RNLS: variants seen among roughly 807,000 people sequenced by gnomAD.
RNLS encodes the protein renalase, FAD dependent amine oxidase.
RNLS carries 39 observed loss-of-function variants against 39.8 expected under a neutral mutation model. The ratio of observed to expected loss-of-function variants is 0.98; its 90% CI spans 0.76 to 1.28. RNLS has a LOEUF of 1.28. Ranked by LOEUF, RNLS falls within the 50% of genes most tolerant of loss-of-function variation. The probability of loss-of-function intolerance (pLI) is 0.00; values close to 1 mark genes in which losing one functional copy is unlikely to be tolerated. For synonymous variants in RNLS, 147 were observed against 150.7 expected (o/e 0.98, Z 0.18); for missense variants, 410 against 413.3 (o/e 0.99, Z 0.07).
At chr10:88,394,799 G>A (rs1852447597) in intron 4 of RNLS, among the ~76,000 whole-genome samples, 2 of 152,246 alleles carry the variant, frequency 1.3e-5, no homozygotes, top group Admixed American at 6.5e-5. Context: ...CAACCTAAAT[G>A]TCCAACAATG....
At chr10:88,505,127 A>C (rs1040196308) in intron 4 of RNLS, among the ~76,000 whole-genome samples, 3 of 152,152 alleles carry the variant, frequency 2.0e-5, no homozygotes, top group Admixed American at 6.6e-5. Context: ...TATTAAAAGA[A>C]ACCAACCAAA....
intron 4 of RNLS, among the ~76,000 whole-genome samples, chr10:88,505,947 A>C (rs1845764399): frequency 6.6e-6 from 1 of 152,156 alleles, no homozygotes; most frequent in South Asian, 2.1e-4. Flanking sequence ...TTACAGACTT[A>C]CTTGTTAAAC....
At chr10:88,571,800 TCA>T (rs1849856608) in intron 4 of RNLS, among the ~76,000 whole-genome samples, 1 of 152,234 alleles carries the variant, frequency 6.6e-6, no homozygotes, top group Non-Finnish European at 1.5e-5. Context: ...CCTCTGGATC[TCA>T]GAGTTGACTT....
chr10:88,291,613 A>G (rs981221820), intron 6 of RNLS, among the ~76,000 whole-genome samples: 21 of 152,194 alleles, frequency 1.4e-4, no homozygotes, highest in African/African-American at 4.8e-4. Context: ...TGGAGTTGGC[A>G]TTTGAGAGGA....
chr10:88,531,853 A>G (rs1847446925), intron 4 of RNLS, among the ~76,000 whole-genome samples: 1 of 152,100 alleles, frequency 6.6e-6, no homozygotes, highest in Non-Finnish European at 1.5e-5. Flanking sequence ...TTTAACTTGA[A>G]AAAGGAGAGA....
chr10:88,270,883 T>A (rs774924625), downstream of RNLS, among the ~76,000 whole-genome samples: 1 of 152,152 alleles, frequency 6.6e-6, no homozygotes, highest in African/African-American at 2.4e-5. Context: ...AACCCCTGTT[T>A]GGGAGGATAA....
At chr10:88,343,393 G>T (rs1848093305) in intron 5 of RNLS, 1 of 333,364 alleles carries the variant, frequency 3.0e-6, no homozygotes, top group Non-Finnish European at 4.3e-6. Flanking sequence ...GCCCAAAAAA[G>T]CTAGGAGATT....
At chr10:88,227,103 G>C in the RNLS span, among the ~76,000 whole-genome samples, 1 of 152,130 alleles carries the variant, frequency 6.6e-6, no homozygotes, top group Non-Finnish European at 1.5e-5. Context: ...TTGAGTAGTT[G>C]CAAGAGAGGT....
At chr10:88,443,061 G>A (rs1035743692) in intron 4 of RNLS, among the ~76,000 whole-genome samples, 3 of 152,118 alleles carry the variant, frequency 2.0e-5, no homozygotes, top group Middle Eastern at 3.4e-3. Context: ...CACATCCAAC[G>A]CCTGAAGATT....
intron 6 of RNLS, among the ~76,000 whole-genome samples, chr10:88,311,758 T>C (rs1003737942): frequency 1.3e-5 from 2 of 152,184 alleles, no homozygotes; most frequent in African/African-American, 4.8e-5. Flanking sequence ...GCTTATTGAA[T>C]AAATGAGTTA....
chr10:88,303,496 G>A (rs1844684892), intron 6 of RNLS, among the ~76,000 whole-genome samples: 1 of 152,172 alleles, frequency 6.6e-6, no homozygotes, highest in South Asian at 2.1e-4. Flanking sequence ...CCTGACGAGT[G>A]CAGAGCTGCA....
At chr10:88,453,331 T>C (rs1329055079) in intron 4 of RNLS, among the ~76,000 whole-genome samples, 29 of 152,222 alleles carry the variant, frequency 1.9e-4, no homozygotes, top group Admixed American at 1.9e-3. Flanking sequence ...CCCAAAGTCA[T>C]GCTCCTTCCC....
chr10:88,248,276 A>G, the RNLS span, among the ~76,000 whole-genome samples: 1 of 152,200 alleles, frequency 6.6e-6, no homozygotes, highest in African/African-American at 2.4e-5. Flanking sequence ...ACTGTTCTCA[A>G]AATAAATGTT....
Position 88,362,559 on chromosome 10 carries a change from GC to G in RNLS, c.692del (p.Arg231ProfsTer3). 2 of 1,613,564 alleles carry G rather than the reference GC, an allele frequency of 1.2e-6. No homozygotes were observed. Among genetic ancestry groups the G allele is most frequent in the Non-Finnish European group, 1.7e-6 (2 of 1,179,670 alleles). ...AATAATAGGGGTACTGACCTATATT[GC>G]GCTTCTTATTATCAATGGAGACGAA... ...IRFVSIDNKKRNIESSEIGPS... is the reference protein window; with the variant it reads ...IRFVSIDNKKXNIESSEIGPS... On this transcript the variant is annotated frameshift_variant, in exon 5 of 7. Coordinates refer to ENST00000331772, the MANE Select transcript of RNLS (RefSeq NM_001031709.3). LOFTEE classifies it high-confidence loss of function.
At chr10:88,328,462 G>A (rs920782021) in intron 5 of RNLS, among the ~76,000 whole-genome samples, 9 of 151,978 alleles carry the variant, frequency 5.9e-5, no homozygotes, top group Non-Finnish European at 1.2e-4. Context: ...GCTTTTTAAG[G>A]GGTATTTTTT....
At chr10:88,365,266 T>C (rs1849973345) in intron 4 of RNLS, among the ~76,000 whole-genome samples, 1 of 150,456 alleles carries the variant, frequency 6.6e-6, no homozygotes, top group Non-Finnish European at 1.5e-5. Flanking sequence ...AAGTTTTTTA[T>C]TCTTGCAAGG....
chr10:88,339,929 G>A lies in RNLS; in HGVS notation c.700+22623C>T, dbSNP rs193258986. Reference sequence around the variant, plus strand: ...TGTGAGGCAGATCCATGGTTTCCCTGACACCCAGATATACATTGTGTAAAT... The same window carrying A: ...TGTGAGGCAGATCCATGGTTTCCCTAACACCCAGATATACATTGTGTAAAT... On this transcript the variant is annotated intron_variant, in intron 5 of 6. Coordinates refer to ENST00000331772, the MANE Select transcript of RNLS (RefSeq NM_001031709.3). Among the ~76,000 whole-genome samples the A allele has an allele frequency of 2.0e-4, 31 of 152,274 alleles. No homozygotes were observed. The East Asian group carries it at 5.4e-3, about 27-fold the overall frequency.
intron 4 of RNLS, among the ~76,000 whole-genome samples, chr10:88,561,173 C>A (rs1288278974): frequency 6.6e-6 from 1 of 151,998 alleles, no homozygotes; most frequent in Non-Finnish European, 1.5e-5. Flanking sequence ...TAGCAAAGGA[C>A]CAAGATGTCA....
chr10:88,235,267 C>CAAAAAA, the RNLS span, among the ~76,000 whole-genome samples: 9 of 61,912 alleles, frequency 1.5e-4, no homozygotes, highest in Admixed American at 2.2e-4. Flanking sequence ...GACTCTATCT[C>CAAAAAA]AAAAAAAAAA....
Sources: allele counts gnomAD v4.1 joint callset (sites outside exome capture counted in the v4.1 genomes callset), GRCh38; gene constraint gnomAD v4.1.1; transcripts MANE v1.5; gene names NCBI Gene and HGNC (gene_info 2026-07-23, HGNC 2026-07-21).